The following PPHLN1 variants were observed in gnomAD, a reference collection of about 807,000 sequenced individuals.
PPHLN1 encodes the protein periphilin 1.
A neutral mutation model predicts 51.3 loss-of-function variants in PPHLN1; 29 were observed. The observed-to-expected ratio is 0.57, with a 90% CI of 0.42 to 0.77. PPHLN1 has a LOEUF of 0.77. PPHLN1 is among the 30% of genes least tolerant of loss of function. PPHLN1 has a pLI of 0.00. For synonymous variants in PPHLN1, 147 were observed against 147.8 expected, an observed-to-expected ratio of 0.99 and a Z score of 0.04; for missense variants, 436 against 438.4, an observed-to-expected ratio of 0.99 and a Z score of 0.05.
chr12:42,375,903 T>G (rs1411795820), intron 5 of PPHLN1, among the ~76,000 whole-genome samples: 8 of 152,220 alleles, frequency 5.3e-5, no homozygotes, highest in African/African-American at 1.9e-4. Flanking sequence ...TGCAAGGCAC[T>G]GTGTTAATAT....
chr12:42,375,227 A>C, intron 5 of PPHLN1, 153 bp downstream of exon 5: 2 of 591,568 alleles, frequency 3.4e-6, no homozygotes, highest in Non-Finnish European at 5.7e-6. Context: ...GAATAGTATA[A>C]CAAACACCAT....
intron 9 of PPHLN1, among the ~76,000 whole-genome samples, chr12:42,412,613 T>C (rs1418838307): frequency 6.6e-6 from 1 of 152,156 alleles, no homozygotes; most frequent in Admixed American, 6.5e-5. Flanking sequence ...CTTTTTGATA[T>C]AATGACTCCT....
chr12:42,349,570 G>T (rs11181452), intron 2 of PPHLN1, among the ~76,000 whole-genome samples: 9,298 of 152,096 alleles, frequency 0.061, 411 homozygotes, highest in East Asian at 0.19. Context: ...CGCAGTGTTT[G>T]TGTCCCTGGG....
At chr12:42,348,254 G>C (rs1173050744) in intron 2 of PPHLN1, among the ~76,000 whole-genome samples, 1 of 147,962 alleles carries the variant, frequency 6.8e-6, no homozygotes, top group African/African-American at 2.5e-5. Flanking sequence ...GGCACTACAG[G>C]CATGCACACC....
chr12:42,407,838 G>GA (rs2079449717), intron 9 of PPHLN1, among the ~76,000 whole-genome samples: 1 of 152,060 alleles, frequency 6.6e-6, no homozygotes, highest in African/African-American at 2.4e-5. Flanking sequence ...TAATGAAAAG[G>GA]AAAAAATTCA....
Position 42,351,994 on chromosome 12 carries a change from A to C in PPHLN1, c.182A>C (p.Tyr61Ser). Residue 61 changes from tyrosine to serine, a missense_variant, in exon 3 of 10, where the codon TAT becomes TCT. Tyr to Ser is a moderately radical substitution (Grantham distance 144, BLOSUM62 -2). Transcript: ENST00000358314. ...TACAGTCATGTTGATTACCGAGACTATGACGAGGGCCGCAGTTTTTCTCAT... is the reference window on the plus strand; with the variant it reads ...TACAGTCATGTTGATTACCGAGACTCTGACGAGGGCCGCAGTTTTTCTCAT... ...RYYSHVDYRD[Y>S]DEGRSFSHDR... The C allele has an allele frequency of 6.4e-7, 1 of 1,568,456 alleles. No individual in the cohort carries two copies. Among genetic ancestry groups the C allele is most frequent in the Non-Finnish European group, 8.6e-7 (1 of 1,162,368 alleles).
chr12:42,338,350 A>G (rs897388119), intron 2 of PPHLN1, among the ~76,000 whole-genome samples: 9 of 152,198 alleles, frequency 5.9e-5, no homozygotes, highest in Non-Finnish European at 1.3e-4. Flanking sequence ...TGGGGAAAGC[A>G]GGTTATTGTA....
rs150932970 is a variant in PPHLN1 at position 42,351,948 on chromosome 12, G to A, written c.136G>A (p.Glu46Lys). 24 of 1,588,686 alleles carry A rather than the reference G, an allele frequency of 1.5e-5. No individual in the cohort carries two copies. The highest frequency in any genetic ancestry group is 2.0e-5 in the Non-Finnish European group (23 of 1,171,366). ...KKPPLLDRPG[E>K]GSYNRYYSHV... ...ACCACCACTGCTAGACAGACCTGGT[G>A]AAGGAAGCTACAATAGATATTACAG... is the stretch of plus-strand genomic sequence containing the variant. Residue 46 changes from glutamate to lysine, a missense_variant, in exon 3 of 10, where the codon GAA (glutamate) becomes AAA (lysine). Glu to Lys is a moderately conservative substitution (Grantham distance 56). Transcript: ENST00000358314.
intron 3 of PPHLN1, among the ~76,000 whole-genome samples, chr12:42,352,716 A>G (rs1378206451): frequency 6.6e-6 from 1 of 151,794 alleles, no homozygotes; most frequent in Non-Finnish European, 1.5e-5. Context: ...TATAGGTGTG[A>G]GCCACCACTC....
chr12:42,426,881 C>T (rs1037147405), intron 9 of PPHLN1, among the ~76,000 whole-genome samples: 2 of 151,792 alleles, frequency 1.3e-5, no homozygotes, highest in African/African-American at 4.8e-5. Context: ...TCTCTGACCT[C>T]TTTGGTGGTA....
intron 4 of PPHLN1, chr12:42,361,323 A>G (rs886292268): frequency 6.6e-6 from 1 of 152,038 alleles, no homozygotes; most frequent in Non-Finnish European, 1.5e-5. Context: ...TATGAGAAAT[A>G]TAAATAGTTT....
At position 42,414,325 on chromosome 12, in the gene PPHLN1, G is replaced by A. The variant is rs976819097; in HGVS notation, c.909+15331G>A. ...GCTGGGATTACAGGTGTGAGCCACC[G>A]CGGCCGGCGATGTTGGTATTTTAAT... is the stretch of plus-strand genomic sequence containing the variant. On this transcript the variant is annotated intron_variant, in intron 9 of 9. Coordinates refer to ENST00000358314, the MANE Select transcript of PPHLN1 (RefSeq NM_201439.2). Among the ~76,000 whole-genome samples the A allele has an allele frequency of 5.9e-5, 9 of 152,150 alleles. 1 individual carries two copies. The highest frequency in any genetic ancestry group is 1.9e-4 in the African/African-American group (8 of 41,424).
chr12:42,399,128 A>T, intron 9 of PPHLN1, 134 bp downstream of exon 9: 1 of 1,427,476 alleles, frequency 7.0e-7, no homozygotes, highest in Non-Finnish European at 9.2e-7. Context: ...AAATTATAAA[A>T]ATTGTTTGAG....
intron 9 of PPHLN1, among the ~76,000 whole-genome samples, chr12:42,402,087 G>A (rs1263009493): frequency 1.3e-5 from 2 of 150,758 alleles, no homozygotes; most frequent in Non-Finnish European, 3.0e-5. Context: ...GCCAACTTCT[G>A]GGCTCGAGAG....
downstream of PPHLN1, chr12:42,447,626 T>C (rs981545934): frequency 6.6e-6 from 1 of 152,226 alleles, no homozygotes; most frequent in African/African-American, 2.4e-5. Flanking sequence ...ATGTTTGTTA[T>C]TACTTACTAC....
At chr12:42,418,001 G>A (rs1225757667) in intron 9 of PPHLN1, among the ~76,000 whole-genome samples, 1 of 134,274 alleles carries the variant, frequency 7.4e-6, no homozygotes, top group African/African-American at 2.7e-5. Context: ...GTGCTGTGGC[G>A]TGGTCTCAGC....
At chr12:42,350,988 A>G (rs55645737) in intron 2 of PPHLN1, among the ~76,000 whole-genome samples, 28,803 of 150,928 alleles carry the variant, frequency 0.19, 3,046 homozygotes, top group African/African-American at 0.27. Context: ...GGGGGAGACC[A>G]TGGCAAGCGG....
chr12:42,327,903 A>G (rs1015720752), intron 1 of PPHLN1, among the ~76,000 whole-genome samples: 2 of 152,242 alleles, frequency 1.3e-5, no homozygotes, highest in African/African-American at 2.4e-5. Context: ...GATTGTGGCT[A>G]TGTGAGAATA....
rs755852105 is a variant in PPHLN1, at chr12:42,335,961, G to A, written c.59G>A (p.Arg20Gln). The A allele has an allele frequency of 8.2e-6, 13 of 1,581,336 alleles. No individual in the cohort carries two copies. The highest frequency in any genetic ancestry group is 5.4e-5 in the African/African-American group (4 of 73,500). Reference protein sequence around the residue: ...ERIPRERAPPRSHPSDGYNRL... With the variant: ...ERIPRERAPPQSHPSDGYNRL... ...ATTCCGAGAGAACGAGCACCTCCTC[G>A]AAGTCATCCCAGTGTAAGTTACTCC... is the stretch of plus-strand genomic sequence containing the variant. Residue 20 changes from arginine (R) to glutamine (Q), a missense_variant, in exon 2 of 10, where the codon CGA becomes CAA. Arg to Gln is a conservative substitution (Grantham distance 43, BLOSUM62 1). Transcript: ENST00000358314.
Sources: allele counts gnomAD v4.1 joint callset (sites outside exome capture counted in the v4.1 genomes callset), GRCh38; gene constraint gnomAD v4.1.1; transcripts MANE v1.5; gene names NCBI Gene and HGNC (gene_info 2026-07-23, HGNC 2026-07-21).